The following MLLT10 variants were observed in gnomAD, a reference collection of about 807,000 sequenced individuals.
MLLT10 encodes MLLT10 histone lysine methyltransferase DOT1L cofactor, also known as protein AF-10.
MLLT10 carries 30 observed loss-of-function variants against 129.1 expected under a neutral mutation model. The observed-to-expected ratio is 0.23, with a 90% CI of 0.17 to 0.32. The LOEUF (loss-of-function observed/expected upper bound fraction) is 0.32. Among genes scored for constraint, MLLT10 ranks in the 10% least tolerant of loss-of-function variants. The probability of loss-of-function intolerance (pLI) is 1.00; values close to 1 mark genes in which losing one functional copy is unlikely to be tolerated. For missense variants in MLLT10, 1,119 were observed against 1,268.3 expected (o/e 0.88, Z 1.79); for synonymous variants, 490 against 446.4 (o/e 1.10, Z -1.23).
intron 3 of MLLT10, among the ~76,000 whole-genome samples, chr10:21,552,201 C>T (rs918678017): frequency 2.0e-5 from 3 of 152,174 alleles, no homozygotes; most frequent in South Asian, 2.1e-4. Context: ...ACTGGGACTA[C>T]AGGCGTGAGC....
intron 4 of MLLT10, among the ~76,000 whole-genome samples, chr10:21,588,278 G>A (rs760060623): frequency 3.9e-5 from 6 of 152,098 alleles, no homozygotes; most frequent in Non-Finnish European, 7.4e-5. Context: ...TGTTGGCCAG[G>A]CTGGTGTTGA....
chr10:21,740,206 C>T lies in MLLT10; in HGVS notation c.3132C>T (p.Ile1044=). 1 of 1,614,164 alleles carries T rather than the reference C, an allele frequency of 6.2e-7. No homozygotes were observed. The highest frequency in any genetic ancestry group is 8.5e-7 in the Non-Finnish European group (1 of 1,180,024). ...HTATTNPFLT[I]HGDNASQKVA... is the part of the protein sequence containing the mutation. The stretch of plus-strand genomic sequence containing the variant: ...CTACCACCAACCCATTTCTCACCAT[C>T]CATGGAGATAATGCAAGTCAGAAAG... The change falls in exon 22 of 23, where the codon ATC becomes ATT. Residue 1044 remains isoleucine, a synonymous_variant. Transcript: ENST00000307729.
At chr10:21,574,221 CT>C (rs1023162522) in intron 3 of MLLT10, among the ~76,000 whole-genome samples, 4 of 152,008 alleles carry the variant, frequency 2.6e-5, no homozygotes, top group Admixed American at 2.0e-4. Context: ...ATAATTTTTT[CT>C]TTTCATCTAA....
intron 13 of MLLT10, among the ~76,000 whole-genome samples, chr10:21,708,378 A>C (rs2055736022): frequency 6.6e-6 from 1 of 152,240 alleles, no homozygotes; most frequent in African/African-American, 2.4e-5. Flanking sequence ...CATATGACTT[A>C]AGATGAAAAT....
chr10:21,620,564 A>G (rs926599827), intron 8 of MLLT10, among the ~76,000 whole-genome samples: 2 of 152,206 alleles, frequency 1.3e-5, no homozygotes, highest in Admixed American at 6.5e-5. Context: ...ATTGTATATT[A>G]TGAGCTAAAT....
chr10:21,671,702 T>C (rs1280666296), intron 10 of MLLT10, among the ~76,000 whole-genome samples: 1 of 152,152 alleles, frequency 6.6e-6, no homozygotes, highest in African/African-American at 2.4e-5. Flanking sequence ...GGAGGATTGC[T>C]TGAGCCCAGG....
At chr10:21,596,082 A>C (rs1481053219) in intron 5 of MLLT10, among the ~76,000 whole-genome samples, 12 of 152,202 alleles carry the variant, frequency 7.9e-5, no homozygotes, top group Middle Eastern at 3.4e-3. Context: ...AGCCAGCTTT[A>C]AGATTTTAAA....
chr10:21,630,958 T>A (rs1258818384), intron 8 of MLLT10, among the ~76,000 whole-genome samples: 2 of 152,140 alleles, frequency 1.3e-5, no homozygotes, highest in Non-Finnish European at 2.9e-5. Context: ...GGTCCAGGGA[T>A]GTTGGGATAC....
chr10:21,650,857 C>G (rs2048952738), intron 8 of MLLT10, among the ~76,000 whole-genome samples: 1 of 152,026 alleles, frequency 6.6e-6, no homozygotes, highest in African/African-American at 2.4e-5. Flanking sequence ...TTAGAGATAA[C>G]TAATTCATCT....
At position 21,681,347 on chromosome 10, in the gene MLLT10, A is replaced by G; in HGVS notation, c.1637A>G (p.Tyr546Cys). The G allele has an allele frequency of 1.2e-6, 2 of 1,612,426 alleles. No individual in the cohort carries two copies. Among genetic ancestry groups the G allele is most frequent in the African/African-American group, 1.3e-5 (1 of 74,926 alleles). Reference sequence around the variant, plus strand: ...CTCTCAACAGAAATTTCCATGCAGTATCGGCATGATGGAGCTTGCCCAACA... The same window carrying G: ...CTCTCAACAGAAATTTCCATGCAGTGTCGGCATGATGGAGCTTGCCCAACA... ...SPVGSEISMQ[Y>C]RHDGACPTTT... Residue 546 changes from tyrosine to cysteine, a missense_variant, in exon 12 of 23, where the codon TAT (tyrosine) becomes TGT (cysteine). Coordinates refer to ENST00000307729, the MANE Select transcript of MLLT10 (RefSeq NM_001195626.3).
intron 7 of MLLT10, among the ~76,000 whole-genome samples, chr10:21,616,436 G>C (rs997123084): frequency 6.6e-6 from 1 of 151,814 alleles, no homozygotes; most frequent in African/African-American, 2.4e-5. Context: ...ACACCAATTC[G>C]ATGTGGTACC....
At chr10:21,652,830 C>T (rs1020482270) in intron 9 of MLLT10, among the ~76,000 whole-genome samples, 2 of 152,042 alleles carry the variant, frequency 1.3e-5, no homozygotes, top group African/African-American at 4.8e-5. Context: ...ATGCAATCGT[C>T]CAGAGAGAGA....
At chr10:21,544,212 A>G (rs933483960) in intron 3 of MLLT10, among the ~76,000 whole-genome samples, 2 of 152,244 alleles carry the variant, frequency 1.3e-5, no homozygotes, top group African/African-American at 4.8e-5. Context: ...CCTCTTAACC[A>G]CCATGTTGCC....
At chr10:21,711,538 A>G (rs2056087417) in intron 13 of MLLT10, among the ~76,000 whole-genome samples, 1 of 149,776 alleles carries the variant, frequency 6.7e-6, no homozygotes, top group South Asian at 2.2e-4. Context: ...GCCTGTCAGC[A>G]TAGTGAGACC....
rs1220789588 is a variant in MLLT10 at position 21,615,007 on chromosome 10, T to C, written c.603+83T>C. 7.1e-6 allele frequency: 8 copies of C among 1,125,626 alleles called. No individual in the cohort carries two copies. The African/African-American group carries it at 1.3e-4, about 18-fold the overall frequency. 69.7% of individuals were successfully genotyped at this position (1,125,626 alleles called of 1,614,324 possible). A position where few individuals can be genotyped will look rare whatever the true frequency, so the allele number is the denominator to read the frequency against. On this transcript the variant is annotated intron_variant, in intron 7 of 22. Transcript: ENST00000307729. ...ACACTGTTTTATTAAAAAAAGCATA[T>C]AACAGTTCCTTTTTCCTTGAGTTTT...
chr10:21,673,799 A>T lies in MLLT10; in HGVS notation c.1501A>T (p.Thr501Ser). 2 of 1,614,220 alleles carry T rather than the reference A, an allele frequency of 1.2e-6. No homozygotes were observed. The highest frequency in any genetic ancestry group is 1.7e-6 in the Non-Finnish European group (2 of 1,180,026). Residue 501 changes from threonine to serine, a missense_variant, in exon 11 of 23, where the codon ACA (threonine) becomes TCA (serine). Thr to Ser is a moderately conservative substitution (Grantham distance 58). Around this residue, in one of 5 missense-constraint regions of MLLT10, gnomAD observed 1,004 missense variants for 1,008.7 expected, o/e 1.00. Coordinates refer to ENST00000307729, the MANE Select transcript of MLLT10 (RefSeq NM_001195626.3). ...TCTCTCAGTTTCTTCTGCTTCACCA[A>T]CATCATCTGTAGCATCAGCTGCAGG... Reference protein sequence around the residue: ...SHLSVSSASPTSSVASAAGSI... With the variant: ...SHLSVSSASPSSSVASAAGSI...
intron 3 of MLLT10, among the ~76,000 whole-genome samples, chr10:21,574,730 A>G (rs2131047685): frequency 6.6e-6 from 1 of 152,262 alleles, no homozygotes. Context: ...TTGCTATGGC[A>G]TTTGTAAACT....
At chr10:21,598,796 T>A (rs1401431325) in intron 5 of MLLT10, among the ~76,000 whole-genome samples, 1 of 150,238 alleles carries the variant, frequency 6.7e-6, no homozygotes, top group Non-Finnish European at 1.5e-5. Flanking sequence ...ATGACGAGAA[T>A]CACTTGAGTC....
At chr10:21,600,050 A>G (rs1396536566) in intron 5 of MLLT10, among the ~76,000 whole-genome samples, 5 of 152,220 alleles carry the variant, frequency 3.3e-5, no homozygotes, top group Non-Finnish European at 5.9e-5. Context: ...ACTATTGCTG[A>G]ATAATCTATG....
Sources: allele counts gnomAD v4.1 joint callset (sites outside exome capture counted in the v4.1 genomes callset), GRCh38; gene constraint gnomAD v4.1.1; regional missense constraint gnomAD v4.1.1; transcripts MANE v1.5; gene names NCBI Gene and HGNC (gene_info 2026-07-23, HGNC 2026-07-21).